TTC8: variants seen among roughly 807,000 people sequenced by gnomAD.
TTC8 encodes the protein tetratricopeptide repeat domain 8.
A neutral mutation model predicts 72.5 loss-of-function variants in TTC8; 47 were observed. That is an observed-to-expected ratio of 0.65 (90% confidence interval 0.51 to 0.83). The LOEUF (loss-of-function observed/expected upper bound fraction) is 0.83, where lower values mean the gene tolerates loss of function less well. Among genes scored for constraint, TTC8 ranks in the 40% least tolerant of loss-of-function variants. The pLI, the probability that TTC8 is intolerant of heterozygous loss-of-function variation, is 0.00. For missense variants in TTC8, 611 were observed against 623.2 expected (o/e 0.98, Z 0.21); for synonymous variants, 199 against 221.4 (o/e 0.90, Z 0.90).
chr14:88,862,107 A>G (rs901360920), intron 10 of TTC8, among the ~76,000 whole-genome samples: 1 of 152,214 alleles, frequency 6.6e-6, no homozygotes, highest in African/African-American at 2.4e-5. Flanking sequence ...ACAGTGTATG[A>G]GCATTCATTC....
At chr14:88,870,496 A>G (rs989800467) in intron 11 of TTC8, among the ~76,000 whole-genome samples, 4 of 152,242 alleles carry the variant, frequency 2.6e-5, no homozygotes, top group African/African-American at 7.2e-5. Flanking sequence ...CTTAAAACTT[A>G]TCATCATCAT....
chr14:88,862,575 T>TTTAG (rs1319855104), intron 10 of TTC8, among the ~76,000 whole-genome samples: 1 of 69,618 alleles, frequency 1.4e-5, no homozygotes, highest in Non-Finnish European at 2.7e-5. Flanking sequence ...TATATATATA[T>TTTAG]ATATATATAT....
chr14:88,829,687 C>G (rs2094717465), intron 1 of TTC8, among the ~76,000 whole-genome samples: 1 of 152,080 alleles, frequency 6.6e-6, no homozygotes, highest in African/African-American at 2.4e-5. Flanking sequence ...CTCGTTTTGC[C>G]CCAATCTCTG....
At chr14:88,867,356 A>T (rs922066878) in intron 10 of TTC8, among the ~76,000 whole-genome samples, 1 of 152,240 alleles carries the variant, frequency 6.6e-6, no homozygotes, top group African/African-American at 2.4e-5. Flanking sequence ...ATTATTTAAA[A>T]ATATGAAGTA....
intron 8 of TTC8, 24 bp downstream of exon 8, chr14:88,853,080 G>C: frequency 6.4e-7 from 1 of 1,572,014 alleles, no homozygotes; most frequent in South Asian, 1.1e-5. Context: ...TTTGTGAAGG[G>C]CTTAGAAGTG....
At chr14:88,872,062 CA>C (rs1285764416) in intron 12 of TTC8, among the ~76,000 whole-genome samples, 1 of 152,030 alleles carries the variant, frequency 6.6e-6, no homozygotes, top group Non-Finnish European at 1.5e-5. Flanking sequence ...TCAAAACAAA[CA>C]AAAAAGTTAG....
Position 88,877,455 on chromosome 14 carries a change from A to AG in TTC8, c.*49dup. Reference sequence around the variant, plus strand: ...TGTTCTTATGAAGCAGCATTATGCAAGGGGAAAAAAGCACTATGTCTGTGT... The same window carrying AG: ...TGTTCTTATGAAGCAGCATTATGCAAGGGGGAAAAAAGCACTATGTCTGTGT... On this transcript the variant is annotated 3_prime_UTR_variant, in exon 15 of 15. Coordinates refer to ENST00000380656, the MANE Select transcript of TTC8 (RefSeq NM_144596.4). The AG allele has an allele frequency of 6.8e-7, 1 of 1,470,834 alleles. No individual in the cohort carries two copies. The highest frequency in any genetic ancestry group is 9.5e-7 in the Non-Finnish European group (1 of 1,049,852). 91.1% of individuals were successfully genotyped at this position (1,470,834 alleles called of 1,614,324 possible).
intron 7 of TTC8, among the ~76,000 whole-genome samples, chr14:88,847,322 A>AGG (rs2094811730): frequency 2.0e-5 from 3 of 152,216 alleles, no homozygotes; most frequent in Admixed American, 2.0e-4. Context: ...AGCAAACAAA[A>AGG]CAAGAGGGAG....
Position 88,824,674 on chromosome 14 carries a change from G to T in TTC8, c.-34G>T. 7.7e-6 allele frequency: 12 copies of T among 1,551,228 alleles called. No individual in the cohort carries two copies. The highest frequency in any genetic ancestry group is 1.1e-5 in the Non-Finnish European group (12 of 1,141,036). ...TCACTCCACGCCCACCTCTCTCCTG[G>T]AGCGCTGGGCCTTCGCTGGCCGCAC... On this transcript the variant is annotated 5_prime_UTR_variant, in exon 1 of 15. Coordinates refer to ENST00000380656, the MANE Select transcript of TTC8 (RefSeq NM_144596.4).
chr14:88,870,081 C>T lies in TTC8; in HGVS notation c.932C>T (p.Ala311Val), dbSNP rs763461974. 1.2e-6 allele frequency: 2 copies of T among 1,613,952 alleles called. No individual in the cohort carries two copies. Among genetic ancestry groups the T allele is most frequent in the Non-Finnish European group, 1.7e-6 (2 of 1,179,906 alleles). Residue 311 changes from alanine (A) to valine (V), a missense_variant, in exon 11 of 15, where the codon GCA (alanine) becomes GTA (valine). Transcript: ENST00000380656. ...TAGGAAATGAACAATATGTCATCAG[C>T]AGCAGAATATTACAAAGAAGTTTTG... ...IYEEMNNMSS[A>V]AEYYKEVLKQ...
intron 1 of TTC8, among the ~76,000 whole-genome samples, chr14:88,826,376 G>A (rs2094700730): frequency 6.6e-6 from 1 of 151,948 alleles, no homozygotes; most frequent in Non-Finnish European, 1.5e-5. Flanking sequence ...ACAAAATATT[G>A]ACCCTTTACG....
chr14:88,828,696 T>A (rs1444062558), intron 1 of TTC8, among the ~76,000 whole-genome samples: 1 of 152,230 alleles, frequency 6.6e-6, no homozygotes, highest in Non-Finnish European at 1.5e-5. Flanking sequence ...GAAAAACCTC[T>A]CAAAAATGAT....
chr14:88,854,833 C>G (rs1215234585), intron 8 of TTC8, among the ~76,000 whole-genome samples: 1 of 152,156 alleles, frequency 6.6e-6, no homozygotes, highest in Non-Finnish European at 1.5e-5. Flanking sequence ...GCACATGCCA[C>G]CATGCCCGGC....
At chr14:88,828,747 T>G (rs2094713098) in intron 1 of TTC8, among the ~76,000 whole-genome samples, 2 of 152,224 alleles carry the variant, frequency 1.3e-5, no homozygotes, top group Non-Finnish European at 2.9e-5. Flanking sequence ...TCCAGGGAGC[T>G]TCAAAAAGAT....
At chr14:88,864,722 T>C (rs963579561) in intron 10 of TTC8, among the ~76,000 whole-genome samples, 1 of 152,194 alleles carries the variant, frequency 6.6e-6, no homozygotes, top group Non-Finnish European at 1.5e-5. Context: ...TTTGAAATAG[T>C]TGGTGGCAGT....
chr14:88,860,203 CA>C, intron 9 of TTC8, among the ~76,000 whole-genome samples: 1 of 151,758 alleles, frequency 6.6e-6, no homozygotes, highest in Non-Finnish European at 1.5e-5. Flanking sequence ...CTCTCTCTCT[CA>C]TCTCAAACTT....
At chr14:88,837,193 C>T (rs1195606921) in intron 2 of TTC8, 1 of 158,498 alleles carries the variant, frequency 6.3e-6, no homozygotes, top group Non-Finnish European at 1.4e-5. Context: ...GATCCATCAC[C>T]TGGCTCCTGA....
At chr14:88,849,425 T>A (rs984817829) in intron 7 of TTC8, among the ~76,000 whole-genome samples, 1 of 152,244 alleles carries the variant, frequency 6.6e-6, no homozygotes, top group Admixed American at 6.5e-5. Context: ...TTCTGTTTTT[T>A]AACATGTTAA....
In TTC8 at chr14:88,871,844, G is replaced by A. The variant is rs1428324959; in HGVS notation, c.1224+121G>A. 2 of 1,166,846 alleles carry A rather than the reference G, an allele frequency of 1.7e-6. No homozygotes were observed. Among genetic ancestry groups the A allele is most frequent in the African/African-American group, 1.5e-5 (1 of 66,200 alleles). The allele number at this position is 1,166,846 out of a possible 1,614,324, so 72.3% of individuals were successfully genotyped here. On this transcript the variant is annotated intron_variant, in intron 12 of 14. Coordinates refer to ENST00000380656, the MANE Select transcript of TTC8 (RefSeq NM_144596.4). This position sits in a 1 kb window ranked among gnomAD's most constrained non-coding sequence, Gnocchi z 4.1. ...AAGCAGGAGGATTGCTTGAGCCCAG[G>A]AGTTTGAGACCACCCTGGGCAACAT...
Sources: allele counts gnomAD v4.1 joint callset (sites outside exome capture counted in the v4.1 genomes callset), GRCh38; gene constraint gnomAD v4.1.1; non-coding constraint Gnocchi (gnomAD v3.1); transcripts MANE v1.5; gene names NCBI Gene and HGNC (gene_info 2026-07-23, HGNC 2026-07-21).